FHIP1A: variants seen among roughly 807,000 people sequenced by gnomAD.
FHIP1A encodes FHF complex subunit HOOK interacting protein 1A.
A neutral mutation model predicts 88.6 loss-of-function variants in FHIP1A; 61 were observed. The ratio of observed to expected loss-of-function variants is 0.69; its 90% CI spans 0.56 to 0.85. The LOEUF is 0.85. Ranked by LOEUF, FHIP1A falls within the 40% of genes least tolerant of loss-of-function variation. The pLI is 0.00. For missense variants in FHIP1A, 1,154 were observed against 1,273.5 expected, an observed-to-expected ratio of 0.91 and a Z score of 1.43; for synonymous variants, 478 against 496.0, an observed-to-expected ratio of 0.96 and a Z score of 0.48.
intron 1 of FHIP1A, among the ~76,000 whole-genome samples, chr4:151,441,391 G>A (rs1226817390): frequency 6.6e-6 from 1 of 151,552 alleles, no homozygotes; most frequent in Non-Finnish European, 1.5e-5. Context: ...CCTAGTAATA[G>A]TAATGGCTTC....
intron 1 of FHIP1A, among the ~76,000 whole-genome samples, chr4:151,440,989 T>C (rs1247949704): frequency 1.3e-5 from 2 of 152,178 alleles, no homozygotes; most frequent in African/African-American, 4.8e-5. Flanking sequence ...AGGCTGTTTT[T>C]CTTCACCCAT....
chr4:151,424,381 G>GT (rs1186804866), intron 1 of FHIP1A, among the ~76,000 whole-genome samples: 1 of 152,182 alleles, frequency 6.6e-6, no homozygotes, highest in Non-Finnish European at 1.5e-5. Flanking sequence ...GCAGGAGGTG[G>GT]TGTTTACTCC....
chr4:151,661,700 G>C (rs1252298953), intron 13 of FHIP1A, among the ~76,000 whole-genome samples: 1 of 152,140 alleles, frequency 6.6e-6, no homozygotes, highest in African/African-American at 2.4e-5. Flanking sequence ...ATTTTAATTA[G>C]TAAAAACTGA....
chr4:151,421,074 T>C (rs1266768990), intron 1 of FHIP1A, among the ~76,000 whole-genome samples: 1 of 152,268 alleles, frequency 6.6e-6, no homozygotes, highest in Admixed American at 6.5e-5. Flanking sequence ...CGATTTTTGC[T>C]GTCATCTGTT....
intron 6 of FHIP1A, among the ~76,000 whole-genome samples, chr4:151,587,728 T>G (rs962996159): frequency 6.6e-6 from 1 of 152,030 alleles, no homozygotes; most frequent in Non-Finnish European, 1.5e-5. Context: ...AATAAAGAAA[T>G]AGCTTCTGGA....
chr4:151,620,266 G>T (rs954694931), intron 7 of FHIP1A, among the ~76,000 whole-genome samples: 2 of 152,194 alleles, frequency 1.3e-5, no homozygotes, highest in African/African-American at 4.8e-5. Flanking sequence ...TTGTGTCCTG[G>T]CATGGGGCTG....
intron 5 of FHIP1A, 56 bp downstream of exon 5, chr4:151,578,132 C>G (rs1049837743): frequency 1.4e-6 from 2 of 1,446,770 alleles, no homozygotes; most frequent in African/African-American, 2.9e-5. Context: ...TCTTCTGTTG[C>G]TAGTGATGAA....
At chr4:151,469,531 A>G (rs1729438434) in intron 2 of FHIP1A, among the ~76,000 whole-genome samples, 1 of 152,198 alleles carries the variant, frequency 6.6e-6, no homozygotes, top group Non-Finnish European at 1.5e-5. Context: ...CCCATCACAT[A>G]AAAGCTTGGA....
chr4:151,638,565 TAA>T (rs11450944), intron 8 of FHIP1A, 110 bp from the exon 9 acceptor site: 757 of 482,414 alleles, frequency 1.6e-3, no homozygotes, highest in South Asian at 2.9e-3. Context: ...TCAAAACTGC[TAA>T]AAAAAAAAAA....
At position 151,638,337 on chromosome 4, in the gene FHIP1A, G is replaced by GTGT. The variant is rs1436301235; in HGVS notation, c.1147-339_1147-337dup. Among the ~76,000 whole-genome samples, 549 of 151,884 alleles carry GTGT rather than the reference G, an allele frequency of 3.6e-3. 3 individuals carry two copies. The highest frequency in any genetic ancestry group is 0.012 in the African/African-American group (496 of 41,392). The stretch of plus-strand genomic sequence containing the variant: ...AGATTGTGTGTGTGTGTGTGTGTGT[G>GTGT]TGTGTGTGTATGTGAGAGAGAGAGA... On this transcript the variant is annotated intron_variant, in intron 8 of 13. Coordinates refer to ENST00000435205, the MANE Select transcript of FHIP1A (RefSeq NM_001109977.3).
intron 3 of FHIP1A, among the ~76,000 whole-genome samples, chr4:151,509,757 G>A (rs1225139973): frequency 8.2e-6 from 1 of 121,832 alleles, no homozygotes; most frequent in Non-Finnish European, 1.8e-5. Context: ...CTGTCTCTAT[G>A]TTTGTGTGTG....
chr4:151,563,148 TGTCTATAGTCA>T (rs1315018562), intron 3 of FHIP1A, among the ~76,000 whole-genome samples: 1 of 152,256 alleles, frequency 6.6e-6, no homozygotes, highest in African/African-American at 2.4e-5. Flanking sequence ...CACTCAATAA[TGTCTATAGTCA>T]GTTCTGTCTT....
intron 4 of FHIP1A, chr4:151,576,718 G>C (rs1336726217): frequency 6.6e-6 from 1 of 152,152 alleles, no homozygotes; most frequent in Non-Finnish European, 1.5e-5. Context: ...CCATATGCTA[G>C]GGTTGATTCT....
At position 151,618,409 on chromosome 4, in the gene FHIP1A, C is replaced by CTGTG. The variant is rs1735621901; in HGVS notation, c.979-11293_979-11292insTGTG. ...GGCTCATGATTTGGAAAGAAATGTT[C>CTGTG]AGAGTCTGTGAGCTTAATATTTGTG... On this transcript the variant is annotated intron_variant, in intron 7 of 13. Coordinates refer to ENST00000435205, the MANE Select transcript of FHIP1A (RefSeq NM_001109977.3). 3.3e-5 allele frequency among the ~76,000 whole-genome samples: 5 copies of CTGTG among 152,256 alleles called. No homozygotes were observed. In the South Asian group the frequency reaches 1.0e-3, roughly 32 times the overall value.
At chr4:151,626,142 A>G (rs1735944423) in intron 7 of FHIP1A, among the ~76,000 whole-genome samples, 1 of 152,248 alleles carries the variant, frequency 6.6e-6, no homozygotes, top group South Asian at 2.1e-4. Flanking sequence ...AAATATGTAT[A>G]CACAAGTTTG....
intron 7 of FHIP1A, among the ~76,000 whole-genome samples, chr4:151,619,505 A>G (rs1342735685): frequency 6.6e-6 from 1 of 152,230 alleles, no homozygotes; most frequent in African/African-American, 2.4e-5. Context: ...ACTAGATATT[A>G]TTGTAAAATA....
intron 3 of FHIP1A, among the ~76,000 whole-genome samples, chr4:151,496,161 A>G (rs977523225): frequency 2.0e-5 from 3 of 151,474 alleles, no homozygotes; most frequent in Admixed American, 2.0e-4. Context: ...TTGTTTAGAG[A>G]TATTTCCTCC....
chr4:151,620,755 A>G (rs1216248073), intron 7 of FHIP1A, among the ~76,000 whole-genome samples: 2 of 136,872 alleles, frequency 1.5e-5, no homozygotes, highest in Admixed American at 7.4e-5. Flanking sequence ...AAAATTAGAT[A>G]TCTTTTTTTT....
At chr4:151,625,155 C>G (rs1350486206) in intron 7 of FHIP1A, among the ~76,000 whole-genome samples, 1 of 152,154 alleles carries the variant, frequency 6.6e-6, no homozygotes, top group African/African-American at 2.4e-5. Context: ...TTCGTGTGAT[C>G]CAGCCTTGTC....
Sources: gnomAD v4.1 joint callset for allele counts (sites outside exome capture counted in the v4.1 genomes callset) on GRCh38, gnomAD v4.1.1 for gene constraint, MANE v1.5 for transcripts, NCBI Gene and HGNC (gene_info 2026-07-23, HGNC 2026-07-21) for gene names.